Variants in SLC35F3 observed in about 807,000 individuals in gnomAD.
SLC35F3 encodes solute carrier family 35 member F3.
Under a neutral mutation model 49.9 loss-of-function variants are expected in SLC35F3, and 25 were observed. That is an observed-to-expected ratio of 0.50 (90% confidence interval 0.37 to 0.70). SLC35F3 has a LOEUF of 0.70. Among genes scored for constraint, SLC35F3 ranks in the 30% least tolerant of loss-of-function variants. SLC35F3 has a pLI of 0.00. For missense variants in SLC35F3, 525 were observed against 639.8 expected, an observed-to-expected ratio of 0.82 and a Z score of 1.94; for synonymous variants, 275 against 265.4, an observed-to-expected ratio of 1.04 and a Z score of -0.35.
At chr1:234,272,535 G>A (rs1167024194) in intron 3 of SLC35F3, 3 of 152,238 alleles carry the variant, frequency 2.0e-5, no homozygotes, top group African/African-American at 4.8e-5. Context: ...CAATCCAGCC[G>A]TCTTCAGATG....
At chr1:234,121,038 G>A (rs1665562950) in intron 2 of SLC35F3, among the ~76,000 whole-genome samples, 1 of 147,106 alleles carries the variant, frequency 6.8e-6, no homozygotes, top group South Asian at 2.1e-4. Context: ...TTTAACCATT[G>A]TTTGCAACTC....
At chr1:233,938,194 G>T (rs1025120973) in intron 2 of SLC35F3, among the ~76,000 whole-genome samples, 2 of 152,064 alleles carry the variant, frequency 1.3e-5, no homozygotes, top group African/African-American at 4.8e-5. Context: ...CTAAAAAGTG[G>T]GCATGATGTG....
At chr1:234,005,867 C>G (rs1378662984) in intron 2 of SLC35F3, among the ~76,000 whole-genome samples, 1 of 152,154 alleles carries the variant, frequency 6.6e-6, no homozygotes, top group Non-Finnish European at 1.5e-5. Context: ...ACTCTGGCCA[C>G]AGAGACAGAA....
chr1:234,135,663 G>T (rs1429833455), intron 2 of SLC35F3, among the ~76,000 whole-genome samples: 1 of 152,220 alleles, frequency 6.6e-6, no homozygotes, highest in Non-Finnish European at 1.5e-5. Flanking sequence ...CCTGTGAAAT[G>T]GTGTCTATCC....
At chr1:234,131,015 A>G (rs540336492) in intron 2 of SLC35F3, among the ~76,000 whole-genome samples, 1 of 152,340 alleles carries the variant, frequency 6.6e-6, no homozygotes, top group African/African-American at 2.4e-5. Flanking sequence ...ACAACATAGA[A>G]AAACCTCACA....
chr1:234,035,163 A>G (rs1174920144), intron 2 of SLC35F3, among the ~76,000 whole-genome samples: 1 of 152,194 alleles, frequency 6.6e-6, no homozygotes, highest in Non-Finnish European at 1.5e-5. Context: ...GGTAGAACAC[A>G]TCATCTAGGA....
At chr1:234,188,645 C>A (rs769548920) in intron 2 of SLC35F3, among the ~76,000 whole-genome samples, 7 of 152,136 alleles carry the variant, frequency 4.6e-5, no homozygotes, top group Admixed American at 6.5e-5. Context: ...GGCATATTCT[C>A]TTGGGAGTTC....
chr1:234,013,213 A>G (rs1335897801), intron 2 of SLC35F3, among the ~76,000 whole-genome samples: 1 of 152,206 alleles, frequency 6.6e-6, no homozygotes, highest in African/African-American at 2.4e-5. Context: ...GTAAAAATTA[A>G]ACAACATGCT....
chr1:234,261,199 A>G (rs2102968387), intron 3 of SLC35F3, among the ~76,000 whole-genome samples: 1 of 152,300 alleles, frequency 6.6e-6, no homozygotes, highest in African/African-American at 2.4e-5. Context: ...AGAAAGAATT[A>G]GAGGTGAGTT....
intron 3 of SLC35F3, among the ~76,000 whole-genome samples, chr1:234,234,139 T>C (rs1558268625): frequency 6.6e-6 from 1 of 152,188 alleles, no homozygotes; most frequent in Non-Finnish European, 1.5e-5. Flanking sequence ...TCTTCATGCT[T>C]TATCAAAATT....
chr1:234,199,930 C>T (rs1666876806), intron 2 of SLC35F3, among the ~76,000 whole-genome samples: 1 of 152,180 alleles, frequency 6.6e-6, no homozygotes, highest in African/African-American at 2.4e-5. Context: ...GTTAAAACCA[C>T]AATGAGCTAT....
chr1:234,252,107 T>C (rs1282545074), intron 3 of SLC35F3, among the ~76,000 whole-genome samples: 1 of 152,062 alleles, frequency 6.6e-6, no homozygotes, highest in African/African-American at 2.4e-5. Flanking sequence ...AGTCTCTCTG[T>C]CTCCCAAGCT....
chr1:233,905,555 GC>G lies in SLC35F3; in HGVS notation c.85del (p.Arg29GlyfsTer26), dbSNP rs748449356. ...GGCATGAGGAGGTCACCGGACGTCA[GC>G]CCCCGGAGACTGTCCGACATCAGCC... is the stretch of plus-strand genomic sequence containing the variant. ...AVGMRRSPDV[S>X]PRRLSDISPQ... On this transcript the variant is annotated frameshift_variant, in exon 2 of 8. Transcript: ENST00000366618. LOFTEE classifies it high-confidence loss of function. 1 of 1,613,894 alleles carries G rather than the reference GC, an allele frequency of 6.2e-7. No individual in the cohort carries two copies. The highest frequency in any genetic ancestry group is 8.5e-7 in the Non-Finnish European group (1 of 1,179,912).
At chr1:234,267,549 G>A (rs1202759539) in intron 3 of SLC35F3, among the ~76,000 whole-genome samples, 1 of 149,134 alleles carries the variant, frequency 6.7e-6, no homozygotes, top group Non-Finnish European at 1.5e-5. Flanking sequence ...GGCTGGCCGG[G>A]CAGAGGGGTC....
chr1:234,143,085 C>T (rs895997509), intron 2 of SLC35F3, among the ~76,000 whole-genome samples: 15 of 152,056 alleles, frequency 9.9e-5, no homozygotes, highest in African/African-American at 2.9e-4. Flanking sequence ...AGAACCTGTT[C>T]GGTATAGGCA....
intron 2 of SLC35F3, among the ~76,000 whole-genome samples, chr1:234,061,961 C>T (rs1411167397): frequency 6.6e-6 from 1 of 152,170 alleles, no homozygotes; most frequent in East Asian, 1.9e-4. Flanking sequence ...CATCTGGTCA[C>T]TCTCACAGTC....
rs1209781559 is a variant in SLC35F3, at chr1:234,320,377, G to A, written c.1237+190G>A. 6.6e-6 allele frequency among the ~76,000 whole-genome samples: 1 copy of A among 151,716 alleles called. No individual in the cohort carries two copies. The highest frequency in any genetic ancestry group is 1.5e-5 in the Non-Finnish European group (1 of 67,968). ...ATATATTATTGCTCTGCCTGCTATA[G>A]AATGCGTGTTTAACTGTCTGCCAAA... On this transcript the variant is annotated intron_variant, in intron 7 of 7. Coordinates refer to ENST00000366618, the MANE Select transcript of SLC35F3 (RefSeq NM_173508.4). The surrounding 1 kb of genome is among the most constrained non-coding windows in gnomAD (Gnocchi z 4.8).
intron 7 of SLC35F3, among the ~76,000 whole-genome samples, chr1:234,322,651 G>A (rs1311519729): frequency 1.6e-4 from 2 of 12,540 alleles, no homozygotes; most frequent in Non-Finnish European, 2.3e-4. Flanking sequence ...GGTCAAATGC[G>A]TGTGTGTGTG....
At chr1:234,212,092 G>A (rs774873331) in intron 2 of SLC35F3, among the ~76,000 whole-genome samples, 13 of 152,180 alleles carry the variant, frequency 8.5e-5, no homozygotes, top group Admixed American at 1.3e-4. Flanking sequence ...GTAAGACGTG[G>A]CTTGCTCCTC....
Sources: gnomAD v4.1 joint callset for allele counts (sites outside exome capture counted in the v4.1 genomes callset) on GRCh38, gnomAD v4.1.1 for gene constraint, Gnocchi (gnomAD v3.1) non-coding constraint, MANE v1.5 for transcripts, NCBI Gene and HGNC (gene_info 2026-07-23, HGNC 2026-07-21) for gene names.